Variants in SLC8A3 observed in about 807,000 individuals in gnomAD.
The protein encoded by SLC8A3 is solute carrier family 8 member A3.
A neutral mutation model predicts 65.4 loss-of-function variants in SLC8A3; 37 were observed. The ratio of observed to expected loss-of-function variants is 0.57; its 90% CI spans 0.44 to 0.74. The LOEUF is 0.74. Ranked by LOEUF, SLC8A3 falls within the 30% of genes least tolerant of loss-of-function variation. The probability of loss-of-function intolerance (pLI) is 0.00; values close to 1 mark genes in which losing one functional copy is unlikely to be tolerated. For synonymous variants in SLC8A3, 461 were observed against 444.5 expected (o/e 1.04, Z -0.47); for missense variants, 1,112 against 1,172.1 (o/e 0.95, Z 0.75).
At chr14:70,145,295 C>G (rs1411963039) in intron 2 of SLC8A3, among the ~76,000 whole-genome samples, 1 of 152,174 alleles carries the variant, frequency 6.6e-6, no homozygotes, top group South Asian at 2.1e-4. Context: ...CCTTACATAT[C>G]AATTTTACAC....
chr14:70,187,611 GTGTGTGTGTGTGTGTGT>G (rs1256380696), intron 1 of SLC8A3, among the ~76,000 whole-genome samples: 1 of 115,164 alleles, frequency 8.7e-6, no homozygotes, highest in Non-Finnish European at 2.2e-5. Context: ...GTGTGTGTGT[GTGTGTGTGTGTGTGTGT>G]GTGTGTGTGT....
At chr14:70,050,213 G>A (rs777668010) in intron 5 of SLC8A3, among the ~76,000 whole-genome samples, 12 of 152,120 alleles carry the variant, frequency 7.9e-5, no homozygotes, top group Non-Finnish European at 1.8e-4. Flanking sequence ...ATCAGAGGGG[G>A]AGCTAGAAAG....
At chr14:70,086,401 C>CTTTTTTTTTTTTTTTTTTTTTTTTTTTT (rs10605312) in intron 2 of SLC8A3, among the ~76,000 whole-genome samples, 1 of 116,148 alleles carries the variant, frequency 8.6e-6, no homozygotes, top group Non-Finnish European at 1.8e-5. Context: ...TTTCTTTTTT[C>CTTTTTTTTTTTTTTTTTTTTTTTTTTTT]TTTTTTTTTT....
intron 2 of SLC8A3, among the ~76,000 whole-genome samples, chr14:70,099,131 A>G (rs972624482): frequency 6.6e-6 from 1 of 152,134 alleles, no homozygotes; most frequent in Admixed American, 6.5e-5. Context: ...GCTATTTTCC[A>G]TTGCAATTGC....
rs576095299 is a variant in SLC8A3 at position 70,137,064 on chromosome 14, G to C, written c.1784+29575C>G. Among the ~76,000 whole-genome samples, 7 of 152,186 alleles carry C rather than the reference G, an allele frequency of 4.6e-5. No individual in the cohort carries two copies. The South Asian group carries it at 1.5e-3, about 32-fold the overall frequency. The stretch of plus-strand genomic sequence containing the variant: ...CCTCATTAGAGTCAGAGATAAAACT[G>C]GGAACCAGGCCTCTAAGACCTAAAA... On this transcript the variant is annotated intron_variant, in intron 2 of 6. Coordinates refer to ENST00000356921, the MANE Select transcript of SLC8A3 (RefSeq NM_182932.3).
At chr14:70,152,376 A>G (rs1213252801) in intron 2 of SLC8A3, among the ~76,000 whole-genome samples, 3 of 152,182 alleles carry the variant, frequency 2.0e-5, no homozygotes, top group Non-Finnish European at 4.4e-5. Context: ...ATCTTAACAG[A>G]GAAATGTGAA....
chr14:70,101,865 C>T (rs1278156235), intron 2 of SLC8A3, among the ~76,000 whole-genome samples: 7 of 152,174 alleles, frequency 4.6e-5, no homozygotes, highest in African/African-American at 1.7e-4. Flanking sequence ...ATGGAGCCCA[C>T]AGAAAGTGAC....
intron 1 of SLC8A3, among the ~76,000 whole-genome samples, chr14:70,184,084 G>C (rs188509854): frequency 6.6e-6 from 1 of 152,046 alleles, no homozygotes. Context: ...CAACTGTCTT[G>C]GTAAATTCTT....
chr14:70,165,526 C>T (rs1449399631), intron 2 of SLC8A3, among the ~76,000 whole-genome samples: 2 of 152,208 alleles, frequency 1.3e-5, no homozygotes, highest in Non-Finnish European at 2.9e-5. Flanking sequence ...CCATCTCCTG[C>T]CACGCTTATT....
intron 1 of SLC8A3, among the ~76,000 whole-genome samples, chr14:70,177,430 C>T (rs61978207): frequency 0.057 from 8,703 of 152,270 alleles, 367 homozygotes; most frequent in Non-Finnish European, 0.086. Flanking sequence ...AAAACAACTA[C>T]CAGATTTTGA....
chr14:70,079,983 C>T (rs1890909034), intron 2 of SLC8A3: 12 of 568,736 alleles, frequency 2.1e-5, no homozygotes, highest in Non-Finnish European at 2.7e-5. Context: ...GCTTCCGTTT[C>T]TTCAGCAGTT....
intron 2 of SLC8A3, among the ~76,000 whole-genome samples, chr14:70,070,631 T>G (rs1889925805): frequency 6.6e-6 from 1 of 152,024 alleles, no homozygotes; most frequent in South Asian, 2.1e-4. Flanking sequence ...TCCAGGGAGG[T>G]GGGTTTCAAC....
chr14:70,187,585 A>C (rs1280600458), intron 1 of SLC8A3, among the ~76,000 whole-genome samples: 1 of 145,044 alleles, frequency 6.9e-6, no homozygotes, highest in Non-Finnish European at 1.5e-5. Context: ...CTAGCCTCTG[A>C]ATCAGGGCTT....
chr14:70,068,403 G>A (rs1889677011), intron 2 of SLC8A3, among the ~76,000 whole-genome samples: 1 of 152,076 alleles, frequency 6.6e-6, no homozygotes, highest in African/African-American at 2.4e-5. Context: ...TATTGAGACA[G>A]GGTCTCACTC....
chr14:70,093,517 G>A (rs1386271030), intron 2 of SLC8A3, among the ~76,000 whole-genome samples: 2 of 152,168 alleles, frequency 1.3e-5, no homozygotes, highest in Non-Finnish European at 2.9e-5. Context: ...CAACACATAC[G>A]GCAACACTTT....
At chr14:70,172,111 C>T (rs190258915) in intron 1 of SLC8A3, among the ~76,000 whole-genome samples, 11 of 152,248 alleles carry the variant, frequency 7.2e-5, no homozygotes, top group Non-Finnish European at 1.0e-4. Context: ...GCTATTAACC[C>T]CGAGGCATAC....
At chr14:70,106,210 A>G (rs888238046) in intron 2 of SLC8A3, among the ~76,000 whole-genome samples, 7 of 152,168 alleles carry the variant, frequency 4.6e-5, no homozygotes, top group Non-Finnish European at 7.3e-5. Flanking sequence ...TTTATTCAAC[A>G]TACTAGAGGT....
chr14:70,125,430 GC>G (rs1190969986), intron 2 of SLC8A3, among the ~76,000 whole-genome samples: 1 of 151,348 alleles, frequency 6.6e-6, no homozygotes, highest in Non-Finnish European at 1.5e-5. Context: ...TGTGGAATTT[GC>G]CTTTCTGTTT....
chr14:70,127,384 C>T (rs1894536508), intron 2 of SLC8A3, among the ~76,000 whole-genome samples: 1 of 152,016 alleles, frequency 6.6e-6, no homozygotes, highest in Admixed American at 6.5e-5. Context: ...ACTTTTTGAC[C>T]CCGCCCAGGC....
Sources: allele counts gnomAD v4.1 joint callset (sites outside exome capture counted in the v4.1 genomes callset), GRCh38; gene constraint gnomAD v4.1.1; transcripts MANE v1.5; gene names NCBI Gene and HGNC (gene_info 2026-07-23, HGNC 2026-07-21).